LPA: variants seen among roughly 807,000 people sequenced by gnomAD.
LPA encodes lipoprotein(a), also known as apolipoprotein(a).
Under a neutral mutation model 197.9 loss-of-function variants are expected in LPA, and 199 were observed. That is an observed-to-expected ratio of 1.01 (90% CI 0.90 to 1.13). The LOEUF (loss-of-function observed/expected upper bound fraction) is 1.13, where lower values mean the gene tolerates loss of function less well. LPA is among the 50% of genes most tolerant of loss of function. The pLI is 0.00. For synonymous variants in LPA, 715 were observed against 639.5 expected (o/e 1.12, Z -1.78); for missense variants, 1,853 against 1,785.8 (o/e 1.04, Z -0.68).
At chr6:160,599,702 A>G in intron 19 of LPA, 43 bp from the exon 20 acceptor site, 2 of 1,607,620 alleles carry the variant, frequency 1.2e-6, no homozygotes, top group African/African-American at 1.3e-5. Context: ...ATTTCCTAGA[A>G]CAGAAAAATA....
chr6:160,543,971 TTACATCAAAGTAAGG>T (rs1288714421), intron 33 of LPA, among the ~76,000 whole-genome samples: 1 of 152,204 alleles, frequency 6.6e-6, no homozygotes, highest in Admixed American at 6.5e-5. Flanking sequence ...CTCACTTGTC[TTACATCAAAGTAAGG>T]TGGGGAACCT....
At chr6:160,624,463 ACT>A (rs1779626010) in intron 10 of LPA, among the ~76,000 whole-genome samples, 1 of 102,242 alleles carries the variant, frequency 9.8e-6, no homozygotes, top group African/African-American at 3.4e-5. Flanking sequence ...TCTTAGAAAC[ACT>A]GAGATAACAC....
chr6:160,566,019 T>C (rs1468538181), intron 28 of LPA, among the ~76,000 whole-genome samples: 1 of 152,132 alleles, frequency 6.6e-6, no homozygotes, highest in Non-Finnish European at 1.5e-5. Context: ...CTCCAATAAA[T>C]ATGGGACTAT....
intron 18 of LPA, among the ~76,000 whole-genome samples, chr6:160,603,659 T>C (rs1175052224): frequency 6.6e-6 from 1 of 152,216 alleles, no homozygotes; most frequent in South Asian, 2.1e-4. Flanking sequence ...AGCTTCTCTA[T>C]GTGTAGTCAA....
intron 1 of LPA, among the ~76,000 whole-genome samples, chr6:160,660,210 T>G (rs1225439555): frequency 1.3e-5 from 2 of 152,190 alleles, no homozygotes; most frequent in Non-Finnish European, 2.9e-5. Flanking sequence ...CTTAGGAATT[T>G]CTCCTTTGCC....
intron 16 of LPA, among the ~76,000 whole-genome samples, chr6:160,611,159 C>T (rs1428612111): frequency 6.6e-6 from 1 of 152,128 alleles, no homozygotes; most frequent in African/African-American, 2.4e-5. Context: ...AGCACATAAA[C>T]TTTCCTCATG....
chr6:160,651,532 C>T (rs546855203), intron 1 of LPA, among the ~76,000 whole-genome samples: 5 of 152,318 alleles, frequency 3.3e-5, no homozygotes, highest in Non-Finnish European at 5.9e-5. Context: ...GACCACAAAA[C>T]ATATTTTCAA....
At chr6:160,591,880 G>A (rs987434134) in intron 22 of LPA, among the ~76,000 whole-genome samples, 1 of 152,088 alleles carries the variant, frequency 6.6e-6, no homozygotes, top group Non-Finnish European at 1.5e-5. Flanking sequence ...TCCTTGCCTA[G>A]ATATTTAAGC....
At chr6:160,603,819 G>A (rs1456026356) in intron 18 of LPA, among the ~76,000 whole-genome samples, 1 of 152,142 alleles carries the variant, frequency 6.6e-6, no homozygotes, top group African/African-American at 2.4e-5. Flanking sequence ...AGTTTTGCCA[G>A]GGTTTGTCTA....
intron 28 of LPA, among the ~76,000 whole-genome samples, chr6:160,565,654 G>A (rs775708775): frequency 1.3e-5 from 2 of 152,188 alleles, no homozygotes; most frequent in African/African-American, 2.4e-5. Context: ...ACGAGCAACA[G>A]AACAAAGCTG....
At chr6:160,663,878 C>T (rs991096461) in intron 1 of LPA, among the ~76,000 whole-genome samples, 9 of 152,160 alleles carry the variant, frequency 5.9e-5, no homozygotes, top group African/African-American at 2.2e-4. Flanking sequence ...TAGTTAGCTA[C>T]AATGGCTATT....
chr6:160,606,462 C>T lies in LPA; in HGVS notation c.2785+15G>A. 1 of 1,613,204 alleles carries T rather than the reference C, an allele frequency of 6.2e-7. No individual in the cohort carries two copies. On this transcript the variant is annotated intron_variant, in intron 17 of 38. Coordinates refer to ENST00000316300, the MANE Select transcript of LPA (RefSeq NM_005577.4). ...AGCATCGAAACGTGTAGGTTTCTGG[C>T]CACAGGCTCCTTACCTTGTTCAGAA...
intron 35 of LPA, among the ~76,000 whole-genome samples, chr6:160,540,405 C>G (rs924214186): frequency 1.3e-5 from 2 of 152,218 alleles, no homozygotes; most frequent in Non-Finnish European, 2.9e-5. Context: ...TATTTGTCCC[C>G]ACCTAAATCT....
intron 16 of LPA, among the ~76,000 whole-genome samples, chr6:160,607,655 A>G (rs1582882339): frequency 1.3e-5 from 2 of 152,000 alleles, no homozygotes; most frequent in African/African-American, 4.8e-5. Flanking sequence ...GCTGCCTGAG[A>G]AAATGGGAAA....
Position 160,593,954 on chromosome 6 carries a change from G to A in LPA, c.3629+4C>T. ...CTGTCTTTGAAGAAAACTCAAGGTT[G>A]TACCCATTTGGATAATATTCTGTTG... On this transcript the variant is annotated splice_donor_region_variant and intron_variant, in intron 22 of 38. Coordinates refer to ENST00000316300, the MANE Select transcript of LPA (RefSeq NM_005577.4). 6.2e-7 allele frequency: 1 copy of A among 1,613,534 alleles called. No homozygotes were observed. The highest frequency in any genetic ancestry group is 1.7e-5 in the Admixed American group (1 of 60,004).
At chr6:160,579,492 C>T (rs1778749850) in intron 26 of LPA, among the ~76,000 whole-genome samples, 2 of 152,168 alleles carry the variant, frequency 1.3e-5, no homozygotes, top group South Asian at 4.2e-4. Context: ...AACAGCGGGA[C>T]CCAAGGCATA....
At position 160,647,185 on chromosome 6, in the gene LPA, G is replaced by A. The variant is rs186081407; in HGVS notation, c.210-790C>T. On this transcript the variant is annotated intron_variant, in intron 2 of 38. Transcript: ENST00000316300. ...AACTGGGGGATGAGTTGAAAGAACA[G>A]TGGGTCCCATGGCATAAAGGAAGAT... Among the ~76,000 whole-genome samples the A allele has an allele frequency of 1.5e-3, 235 of 152,278 alleles. 3 individuals are homozygous for A. The highest frequency in any genetic ancestry group is 2.0e-3 in the Non-Finnish European group (138 of 68,014).
Position 160,597,157 on chromosome 6 carries a change from T to C in LPA, c.3288-1622A>G, listed in dbSNP as rs190213791. Among the ~76,000 whole-genome samples the C allele has an allele frequency of 1.8e-3, 278 of 152,334 alleles. 1 individual carries two copies. Among genetic ancestry groups the C allele is most frequent in the Non-Finnish European group, 3.6e-3 (246 of 68,034 alleles). On this transcript the variant is annotated intron_variant, in intron 20 of 38. Transcript: ENST00000316300. ...TTAATGTGTACTCGGTAGTTCGGTA[T>C]AATGTTAAATAGGTCGACGTTTTTA... is the stretch of plus-strand genomic sequence containing the variant.
intron 29 of LPA, 106 bp downstream of exon 29, chr6:160,557,284 C>A: frequency 7.4e-7 from 1 of 1,356,866 alleles, no homozygotes. Flanking sequence ...ACCTGCCATA[C>A]CCTCAAGTTT....
Sources: gnomAD v4.1 joint callset for allele counts (sites outside exome capture counted in the v4.1 genomes callset) on GRCh38, gnomAD v4.1.1 for gene constraint, MANE v1.5 for transcripts, NCBI Gene and HGNC (gene_info 2026-07-23, HGNC 2026-07-21) for gene names.